NRXN3: variants seen among roughly 807,000 people sequenced by gnomAD.
NRXN3 encodes neurexin III.
A neutral mutation model predicts 137.6 loss-of-function variants in NRXN3; 32 were observed. That is an observed-to-expected ratio of 0.23 (90% confidence interval 0.18 to 0.31). The LOEUF is 0.31. Among genes scored for constraint, NRXN3 ranks in the 10% least tolerant of loss-of-function variants. NRXN3 has a pLI of 1.00. For synonymous variants in NRXN3, 798 were observed against 784.5 expected (o/e 1.02, Z -0.29); for missense variants, 1,574 against 2,062.5 (o/e 0.76, Z 4.59).
chr14:79,813,536 T>C (rs937867655), intron 20 of NRXN3, among the ~76,000 whole-genome samples: 8 of 152,292 alleles, frequency 5.3e-5, no homozygotes, highest in African/African-American at 1.9e-4. Flanking sequence ...TACTGAGAGA[T>C]ATATAGATAT....
chr14:78,444,183 C>T (rs1033918465), intron 4 of NRXN3, among the ~76,000 whole-genome samples: 1 of 152,204 alleles, frequency 6.6e-6, no homozygotes, highest in Non-Finnish European at 1.5e-5. Context: ...TAAGCCATGT[C>T]CTTCCCTCAA....
intron 4 of NRXN3, among the ~76,000 whole-genome samples, chr14:78,476,172 T>G (rs1034606653): frequency 6.6e-6 from 1 of 152,210 alleles, no homozygotes; most frequent in Non-Finnish European, 1.5e-5. Context: ...GATACAGTGA[T>G]AAGACAAGTT....
At chr14:79,062,055 A>T (rs1218752786) in intron 15 of NRXN3, among the ~76,000 whole-genome samples, 1 of 152,144 alleles carries the variant, frequency 6.6e-6, no homozygotes, top group Non-Finnish European at 1.5e-5. Flanking sequence ...TATTTAGTAA[A>T]ACGTCCATAA....
intron 10 of NRXN3, among the ~76,000 whole-genome samples, chr14:78,956,480 C>G (rs2099396991): frequency 6.6e-6 from 1 of 152,128 alleles, no homozygotes; most frequent in Non-Finnish European, 1.5e-5. Flanking sequence ...CTTGAGACAA[C>G]TTGGTTTATT....
chr14:78,514,371 T>TA (rs2096167940), intron 4 of NRXN3, among the ~76,000 whole-genome samples: 1 of 151,946 alleles, frequency 6.6e-6, no homozygotes, highest in South Asian at 2.1e-4. Context: ...TAGGTCGAGG[T>TA]AAAAAATGCC....
At chr14:78,200,108 C>T (rs540815539) in intron 1 of NRXN3, among the ~76,000 whole-genome samples, 51 of 152,318 alleles carry the variant, frequency 3.3e-4, no homozygotes, top group African/African-American at 1.2e-3. Flanking sequence ...GAATAGTTTA[C>T]TGTCAGAGTA....
At chr14:79,040,268 A>C (rs1402126202) in intron 15 of NRXN3, among the ~76,000 whole-genome samples, 1 of 152,210 alleles carries the variant, frequency 6.6e-6, no homozygotes, top group African/African-American at 2.4e-5. Flanking sequence ...TAGCAGGCCC[A>C]ATAGTTGTTC....
intron 16 of NRXN3, among the ~76,000 whole-genome samples, chr14:79,642,384 A>G (rs550701636): frequency 7.4e-6 from 1 of 135,576 alleles, no homozygotes; most frequent in South Asian, 2.3e-4. Context: ...CTTTTCCATA[A>G]ATGAATTTAC....
chr14:78,409,575 A>G (rs985999643), intron 4 of NRXN3, among the ~76,000 whole-genome samples: 1 of 152,222 alleles, frequency 6.6e-6, no homozygotes, highest in Non-Finnish European at 1.5e-5. Flanking sequence ...TAACCTCTTG[A>G]TATGAATTTA....
chr14:79,387,938 C>T (rs1445136244), intron 15 of NRXN3, among the ~76,000 whole-genome samples: 5 of 120,018 alleles, frequency 4.2e-5, no homozygotes, highest in Non-Finnish European at 6.4e-5. Flanking sequence ...GAACATCACA[C>T]ACTGGGGCCT....
chr14:79,217,766 C>T (rs549586097), intron 15 of NRXN3, among the ~76,000 whole-genome samples: 2 of 152,244 alleles, frequency 1.3e-5, no homozygotes, highest in South Asian at 4.1e-4. Flanking sequence ...AAGGTATAGA[C>T]CAGGCATCAA....
At chr14:79,331,806 A>T (rs1302062679) in intron 15 of NRXN3, among the ~76,000 whole-genome samples, 3 of 151,782 alleles carry the variant, frequency 2.0e-5, no homozygotes, top group Non-Finnish European at 4.4e-5. Flanking sequence ...GTAAAAAAAA[A>T]GTTTGCTTTT....
chr14:79,424,802 G>T (rs536041444), intron 15 of NRXN3, among the ~76,000 whole-genome samples: 1 of 152,184 alleles, frequency 6.6e-6, no homozygotes, highest in Admixed American at 6.5e-5. Context: ...AATATTTCTG[G>T]GATTATGCAG....
intron 4 of NRXN3, among the ~76,000 whole-genome samples, chr14:78,316,724 C>T (rs2078748257): frequency 6.6e-6 from 1 of 152,208 alleles, no homozygotes; most frequent in South Asian, 2.1e-4. Context: ...CAACAAAGGG[C>T]ATTTATGGGC....
intron 19 of NRXN3, among the ~76,000 whole-genome samples, chr14:79,791,482 ATAATTATAAT>A (rs1379339713): frequency 7.0e-6 from 1 of 143,826 alleles, no homozygotes; most frequent in Non-Finnish European, 1.5e-5. Context: ...ATATATTGTA[ATAATTATAAT>A]TAATTATATA....
intron 4 of NRXN3, among the ~76,000 whole-genome samples, chr14:78,324,178 T>C (rs1167611383): frequency 1.3e-5 from 2 of 152,080 alleles, no homozygotes; most frequent in African/African-American, 4.8e-5. Context: ...GAGCCTGTCT[T>C]TTCATCTGTA....
Position 79,467,307 on chromosome 14 carries a change from C to T in NRXN3, c.3349C>T (p.Arg1117Cys). The T allele has an allele frequency of 6.2e-7, 1 of 1,613,594 alleles. No individual in the cohort carries two copies. The change falls in exon 16 of 21, where the codon CGC (arginine) becomes TGC (cysteine). Residue 1117 changes from arginine (R) to cysteine (C), a missense_variant. Physicochemically the swap from Arg to Cys is radical, Grantham distance 180 (BLOSUM62 -3). Around this residue, in one of 5 missense-constraint regions of NRXN3, gnomAD observed 133 missense variants for 241.8 expected, o/e 0.55. Transcript: ENST00000335750. ...TGACAGGCCCAGCACGCGGTCTGAC[C>T]GCCTTGCCGTGGGCTTCAGCACCAC... is the stretch of plus-strand genomic sequence containing the variant. Reference protein sequence around the residue: ...ANDRPSTRSDRLAVGFSTTVK... With the variant: ...ANDRPSTRSDCLAVGFSTTVK...
At chr14:79,755,061 T>G (rs1206147433) in intron 19 of NRXN3, among the ~76,000 whole-genome samples, 1 of 152,154 alleles carries the variant, frequency 6.6e-6, no homozygotes, top group African/African-American at 2.4e-5. Context: ...TATAGAAGTG[T>G]GAGAATGGTT....
chr14:79,340,192 T>C (rs2092526166), intron 15 of NRXN3, among the ~76,000 whole-genome samples: 2 of 142,916 alleles, frequency 1.4e-5, no homozygotes, highest in Admixed American at 7.0e-5. Flanking sequence ...TGTGTGTGTA[T>C]GTGTGTGAGA....
Sources: allele counts gnomAD v4.1 joint callset (sites outside exome capture counted in the v4.1 genomes callset), GRCh38; gene constraint gnomAD v4.1.1; regional missense constraint gnomAD v4.1.1; transcripts MANE v1.5; gene names NCBI Gene and HGNC (gene_info 2026-07-23, HGNC 2026-07-21).